Variants in CNTLN observed in about 807,000 individuals in gnomAD.
CNTLN encodes centlein, also known as centlein, centrosomal protein.
A neutral mutation model predicts 180.0 loss-of-function variants in CNTLN; 212 were observed. That is an observed-to-expected ratio of 1.18 (90% CI 1.05 to 1.32). CNTLN has a LOEUF of 1.32. CNTLN is among the 40% of genes most tolerant of loss of function. CNTLN has a pLI of 0.00. For synonymous variants in CNTLN, 722 were observed against 563.1 expected, an observed-to-expected ratio of 1.28 and a Z score of -3.99; for missense variants, 2,095 against 1,610.9, an observed-to-expected ratio of 1.30 and a Z score of -5.14.
intron 2 of CNTLN, among the ~76,000 whole-genome samples, chr9:17,151,487 G>C (rs1240204077): frequency 6.6e-6 from 1 of 152,184 alleles, no homozygotes; most frequent in East Asian, 1.9e-4. Context: ...TGTTGAACCA[G>C]CCTTGCATCC....
intron 2 of CNTLN, among the ~76,000 whole-genome samples, chr9:17,198,386 C>CTTTTTTTTTTTTT (rs61209273): frequency 1.4e-3 from 153 of 109,272 alleles, no homozygotes; most frequent in East Asian, 1.9e-3. Flanking sequence ...TCTTTTCTTT[C>CTTTTTTTTTTTTT]TTTTTTTTTT....
At chr9:17,304,370 T>C (rs538819534) in intron 7 of CNTLN, among the ~76,000 whole-genome samples, 1 of 152,302 alleles carries the variant, frequency 6.6e-6, no homozygotes, top group African/African-American at 2.4e-5. Flanking sequence ...TCTGCACCTT[T>C]ATATATGTGT....
rs185963963 is a variant in CNTLN, at chr9:17,420,550, C to A, written c.3114+4361C>A. On this transcript the variant is annotated intron_variant, in intron 18 of 25. Transcript: ENST00000380647. ...CATATTGTTTTGTTCGTTTTAATTT[C>A]ATTTATTTCTTCTCTGATCTTTATT... Among the ~76,000 whole-genome samples the A allele has an allele frequency of 2.6e-3, 394 of 151,754 alleles. 1 individual carries two copies. Among genetic ancestry groups the A allele is most frequent in the Non-Finnish European group, 3.9e-3 (267 of 67,890 alleles).
At chr9:17,190,732 C>A (rs575568611) in intron 2 of CNTLN, among the ~76,000 whole-genome samples, 1 of 152,198 alleles carries the variant, frequency 6.6e-6, no homozygotes, top group East Asian at 1.9e-4. Context: ...TGATTTTAGA[C>A]TTGAAAAGTA....
intron 12 of CNTLN, among the ~76,000 whole-genome samples, chr9:17,354,539 A>C (rs1822660000): frequency 6.6e-6 from 1 of 152,094 alleles, no homozygotes; most frequent in Non-Finnish European, 1.5e-5. Flanking sequence ...TTGTGAGTGC[A>C]CCAATCAACA....
At chr9:17,310,083 A>G (rs1443086588) in intron 8 of CNTLN, among the ~76,000 whole-genome samples, 2 of 152,132 alleles carry the variant, frequency 1.3e-5, no homozygotes, top group African/African-American at 2.4e-5. Flanking sequence ...ATACTATTGT[A>G]TGCATATGAC....
rs1269571148 is a variant in CNTLN, at chr9:17,410,976, T to G, written c.2796+1503T>G. Reference sequence around the variant, plus strand: ...CTTCTTGTTCATCAAGAGTCTCTTCTTGGTCCTTTACTCTTCAAAATGAAT... The same window carrying G: ...CTTCTTGTTCATCAAGAGTCTCTTCGTGGTCCTTTACTCTTCAAAATGAAT... On this transcript the variant is annotated intron_variant, in intron 16 of 25. Coordinates refer to ENST00000380647, the MANE Select transcript of CNTLN (RefSeq NM_017738.4). 2.0e-5 allele frequency among the ~76,000 whole-genome samples: 3 copies of G among 152,322 alleles called. No homozygotes were observed. In the South Asian group the frequency reaches 6.2e-4, roughly 32 times the overall value.
intron 6 of CNTLN, among the ~76,000 whole-genome samples, chr9:17,292,203 C>G (rs1285310820): frequency 1.3e-5 from 2 of 151,694 alleles, no homozygotes; most frequent in East Asian, 3.9e-4. Context: ...TGTAGGTGAT[C>G]TCCCCTTTCT....
At chr9:17,199,285 C>T (rs11535434) in intron 2 of CNTLN, among the ~76,000 whole-genome samples, 7 of 143,206 alleles carry the variant, frequency 4.9e-5, no homozygotes, top group Non-Finnish European at 1.0e-4. Flanking sequence ...AGTCTTGGCT[C>T]ACTGCAACCT....
chr9:17,483,482 A>G (rs1218066003), intron 23 of CNTLN, among the ~76,000 whole-genome samples: 1 of 152,212 alleles, frequency 6.6e-6, no homozygotes, highest in African/African-American at 2.4e-5. Context: ...GAGATGCAAA[A>G]GTAATATCTG....
intron 13 of CNTLN, among the ~76,000 whole-genome samples, chr9:17,385,819 G>T (rs938683923): frequency 6.6e-6 from 1 of 151,874 alleles, no homozygotes; most frequent in Non-Finnish European, 1.5e-5. Flanking sequence ...ATGTGCATAG[G>T]TTATTTGCAA....
chr9:17,354,400 T>G (rs1822643733), intron 12 of CNTLN, among the ~76,000 whole-genome samples: 1 of 152,190 alleles, frequency 6.6e-6, no homozygotes, highest in Non-Finnish European at 1.5e-5. Flanking sequence ...GCTGGGCTTC[T>G]GAGTCTGGTG....
intron 2 of CNTLN, among the ~76,000 whole-genome samples, chr9:17,171,149 C>T (rs116146287): frequency 0.019 from 2,908 of 152,282 alleles, 59 homozygotes; most frequent in African/African-American, 0.05. Flanking sequence ...CAAATATCTG[C>T]ACATCTTTGG....
rs1825107288 is a variant in CNTLN, at chr9:17,235,794, T to C, written c.669+2T>C. The C allele has an allele frequency of 6.2e-7, 1 of 1,600,816 alleles. No individual in the cohort carries two copies. The highest frequency in any genetic ancestry group is 1.4e-5 in the African/African-American group (1 of 73,848). Reference sequence around the variant, plus strand: ...AAAGATAAAAGTCAAGAAATTAAGGTGTGTTGACTTGTACATAGTTTTGTG... The same window carrying C: ...AAAGATAAAAGTCAAGAAATTAAGGCGTGTTGACTTGTACATAGTTTTGTG... On this transcript the variant is annotated splice_donor_variant, in intron 4 of 25. Coordinates refer to ENST00000380647, the MANE Select transcript of CNTLN (RefSeq NM_017738.4). LOFTEE classifies it high-confidence loss of function.
At position 17,238,292 on chromosome 9, in the gene CNTLN, T is replaced by A. The variant is rs1336515605; in HGVS notation, c.849+1704T>A. Among the ~76,000 whole-genome samples the A allele has an allele frequency of 1.1e-4, 17 of 152,240 alleles. 1 individual carries two copies. In the East Asian group the frequency reaches 3.3e-3, roughly 29 times the overall value. ...TCTTCTCAAATGTTTAAAGGTTTTA[T>A]ATGACAAAGTTTTTCCCACCCTAAA... On this transcript the variant is annotated intron_variant, in intron 5 of 25. Coordinates refer to ENST00000380647, the MANE Select transcript of CNTLN (RefSeq NM_017738.4).
chr9:17,499,753 A>G (rs10756887), intron 25 of CNTLN, among the ~76,000 whole-genome samples: 46,347 of 152,016 alleles, frequency 0.3, 8,222 homozygotes, highest in East Asian at 0.45. Flanking sequence ...CTATTTTGTC[A>G]TATTTTCTGT....
chr9:17,191,803 G>A (rs1418784788), intron 2 of CNTLN, among the ~76,000 whole-genome samples: 1 of 152,184 alleles, frequency 6.6e-6, no homozygotes, highest in African/African-American at 2.4e-5. Flanking sequence ...GAAGGAAGAT[G>A]AGGTGGGATG....
intron 14 of CNTLN, among the ~76,000 whole-genome samples, chr9:17,389,228 A>G (rs1313512710): frequency 6.6e-6 from 1 of 152,128 alleles, no homozygotes; most frequent in Non-Finnish European, 1.5e-5. Flanking sequence ...TATCAAGTTA[A>G]CATAGTAACA....
chr9:17,511,678 G>A, the CNTLN span, among the ~76,000 whole-genome samples: 11 of 144,432 alleles, frequency 7.6e-5, no homozygotes, highest in Non-Finnish European at 1.2e-4. Context: ...ACACGCACAC[G>A]TGCACACCCA....
Sources: allele counts gnomAD v4.1 joint callset (sites outside exome capture counted in the v4.1 genomes callset), GRCh38; gene constraint gnomAD v4.1.1; transcripts MANE v1.5; gene names NCBI Gene and HGNC (gene_info 2026-07-23, HGNC 2026-07-21).